KCND2: variants seen among roughly 807,000 people sequenced by gnomAD.
The protein encoded by KCND2 is A-type voltage-gated potassium channel KCND2.
KCND2 carries 16 observed loss-of-function variants against 54.4 expected under a neutral mutation model. The ratio of observed to expected loss-of-function variants is 0.29; its 90% CI spans 0.20 to 0.45. The LOEUF (loss-of-function observed/expected upper bound fraction) is 0.45, where lower values mean the gene tolerates loss of function less well. Among genes scored for constraint, KCND2 ranks in the 20% least tolerant of loss-of-function variants. The probability of loss-of-function intolerance (pLI) is 1.00; values close to 1 mark genes in which losing one functional copy is unlikely to be tolerated. For missense variants in KCND2, 486 were observed against 824.2 expected, an observed-to-expected ratio of 0.59 and a Z score of 5.02; for synonymous variants, 317 against 310.7, an observed-to-expected ratio of 1.02 and a Z score of -0.21.
intron 1 of KCND2, among the ~76,000 whole-genome samples, chr7:120,384,204 T>C (rs1439610346): frequency 1.4e-5 from 2 of 143,758 alleles, no homozygotes; most frequent in Middle Eastern, 3.2e-3. Context: ...TTTTCATTGT[T>C]TTTTTCCCCC....
At chr7:120,631,148 G>A (rs1291456857) in intron 1 of KCND2, among the ~76,000 whole-genome samples, 2 of 151,910 alleles carry the variant, frequency 1.3e-5, no homozygotes, top group African/African-American at 2.4e-5. Flanking sequence ...TTGAATGTAA[G>A]GTCTTATAAA....
intron 1 of KCND2, among the ~76,000 whole-genome samples, chr7:120,591,009 A>G (rs912744632): frequency 1.3e-5 from 2 of 152,016 alleles, no homozygotes; most frequent in Non-Finnish European, 2.9e-5. Flanking sequence ...TTTCTGTGTT[A>G]ACCTTATTCT....
intron 1 of KCND2, among the ~76,000 whole-genome samples, chr7:120,315,764 CAGTGTGTG>C (rs1316575945): frequency 9.7e-6 from 1 of 103,582 alleles, no homozygotes; most frequent in African/African-American, 3.9e-5. Context: ...TTTCCATAAG[CAGTGTGTG>C]TGTGTGTGTG....
chr7:120,355,628 TGAGA>T (rs565975664), intron 1 of KCND2, among the ~76,000 whole-genome samples: 149 of 152,270 alleles, frequency 9.8e-4, no homozygotes, highest in African/African-American at 3.2e-3. Context: ...CCCAGCATCA[TGAGA>T]GAGTATTTTA....
chr7:120,408,591 G>A (rs960709782), intron 1 of KCND2, among the ~76,000 whole-genome samples: 1 of 151,916 alleles, frequency 6.6e-6, no homozygotes, highest in African/African-American at 2.4e-5. Flanking sequence ...TGTTTTGGAA[G>A]TTGTCGTATG....
rs1562924300 is a variant in KCND2 at position 120,737,070 on chromosome 7, ACACAC to A, written c.1278+4006_1278+4010del. Among the ~76,000 whole-genome samples the A allele has an allele frequency of 2.7e-4, 38 of 143,068 alleles. 1 individual carries two copies. Among genetic ancestry groups the A allele is most frequent in the African/African-American group, 9.4e-4 (36 of 38,440 alleles). The allele number at this position is 143,068 out of a possible 152,430, so 93.9% of individuals were successfully genotyped here. ...CACACACACACACACACACACACAC[ACACAC>A]AAACAAAAAAAAAAAAAACAAAACA... On this transcript the variant is annotated intron_variant, in intron 2 of 5. Transcript: ENST00000331113.
intron 1 of KCND2, among the ~76,000 whole-genome samples, chr7:120,512,390 G>T (rs1475755485): frequency 6.6e-6 from 1 of 151,060 alleles, no homozygotes; most frequent in Non-Finnish European, 1.5e-5. Flanking sequence ...TTATGGTCAG[G>T]TTTTTTAATT....
chr7:120,340,743 T>C (rs1254878975), intron 1 of KCND2, among the ~76,000 whole-genome samples: 3 of 152,096 alleles, frequency 2.0e-5, no homozygotes, highest in Non-Finnish European at 2.9e-5. Flanking sequence ...AAACACCTGA[T>C]TGGAAAGGAT....
chr7:120,561,560 A>G (rs1423456107), intron 1 of KCND2, among the ~76,000 whole-genome samples: 1 of 150,992 alleles, frequency 6.6e-6, no homozygotes, highest in African/African-American at 2.4e-5. Context: ...CAGGAAGATC[A>G]ACTATAGAGT....
At chr7:120,595,821 A>G (rs551960815) in intron 1 of KCND2, among the ~76,000 whole-genome samples, 9 of 151,788 alleles carry the variant, frequency 5.9e-5, no homozygotes, top group Non-Finnish European at 1.3e-4. Flanking sequence ...GAAACTTTCT[A>G]TAAATAGCAG....
chr7:120,745,914 C>T lies in KCND2; in HGVS notation c.1602C>T (p.His534=). ...GVTSTCCSRR[H]KKTFRIPNAN... ...CCAGCACCTGCTGTTCACGACGACA[C>T]AAAAAAACTTTTCGCATCCCAAATG... Residue 534 remains histidine, a synonymous_variant, in exon 5 of 6, where the codon CAC becomes CAT. Transcript: ENST00000331113. 1.9e-6 allele frequency: 3 copies of T among 1,613,838 alleles called. No homozygotes were observed. Among genetic ancestry groups the T allele is most frequent in the East Asian group, 2.2e-5 (1 of 44,856 alleles).
At chr7:120,587,589 C>G (rs528974415) in intron 1 of KCND2, among the ~76,000 whole-genome samples, 4 of 152,014 alleles carry the variant, frequency 2.6e-5, no homozygotes, top group African/African-American at 9.6e-5. Flanking sequence ...GAAAAAAAAT[C>G]AAATGTATCA....
At position 120,740,358 on chromosome 7, in the gene KCND2, C is replaced by G. The variant is rs190952403; in HGVS notation, c.1279-1176C>G. 2.0e-4 allele frequency among the ~76,000 whole-genome samples: 31 copies of G among 152,012 alleles called. No homozygotes were observed. In the East Asian group the frequency reaches 5.2e-3, roughly 26 times the overall value. On this transcript the variant is annotated intron_variant, in intron 2 of 5. Transcript: ENST00000331113. Reference sequence around the variant, plus strand: ...ATTTTAAAATTTTTATTAAAAAGAGCATTCCAGGACTTGAGACTAAAGATA... The same window carrying G: ...ATTTTAAAATTTTTATTAAAAAGAGGATTCCAGGACTTGAGACTAAAGATA...
intron 1 of KCND2, among the ~76,000 whole-genome samples, chr7:120,627,234 T>A (rs1272727923): frequency 6.6e-6 from 1 of 152,144 alleles, no homozygotes; most frequent in Non-Finnish European, 1.5e-5. Context: ...CCTTGTGGAA[T>A]TTTTTTATGT....
At chr7:120,503,068 G>A (rs574319704) in intron 1 of KCND2, among the ~76,000 whole-genome samples, 2 of 152,040 alleles carry the variant, frequency 1.3e-5, no homozygotes, top group East Asian at 1.9e-4. Context: ...ATTGCCTTAG[G>A]GTCTAGACTG....
At chr7:120,625,528 A>T (rs1348297695) in intron 1 of KCND2, among the ~76,000 whole-genome samples, 1 of 152,188 alleles carries the variant, frequency 6.6e-6, no homozygotes, top group African/African-American at 2.4e-5. Context: ...TTAAAATCTG[A>T]GATAGAGTAA....
intron 1 of KCND2, among the ~76,000 whole-genome samples, chr7:120,295,998 A>G (rs907028174): frequency 6.6e-6 from 1 of 152,158 alleles, no homozygotes; most frequent in African/African-American, 2.4e-5. Context: ...CAACAAAGGT[A>G]CATGGGAATA....
At chr7:120,606,562 G>A (rs762953938) in intron 1 of KCND2, among the ~76,000 whole-genome samples, 13 of 151,864 alleles carry the variant, frequency 8.6e-5, no homozygotes, top group Admixed American at 3.3e-4. Context: ...TATATAGTAC[G>A]CAGAAGGGGT....
intron 1 of KCND2, among the ~76,000 whole-genome samples, chr7:120,590,200 G>A (rs928495761): frequency 6.6e-6 from 1 of 151,994 alleles, no homozygotes; most frequent in Non-Finnish European, 1.5e-5. Context: ...TGTATTTTTA[G>A]TAGAGATGGG....
Sources: gnomAD v4.1 joint callset for allele counts (sites outside exome capture counted in the v4.1 genomes callset) on GRCh38, gnomAD v4.1.1 for gene constraint, MANE v1.5 for transcripts, NCBI Gene and HGNC (gene_info 2026-07-23, HGNC 2026-07-21) for gene names.